Variants in VWF observed in about 807,000 individuals in gnomAD.
VWF encodes the protein von Willebrand factor, also known as Factor VIII related antigen.
VWF carries 176 observed loss-of-function variants against 308.6 expected under a neutral mutation model. The observed-to-expected ratio is 0.57, with a 90% confidence interval of 0.50 to 0.65. The LOEUF (loss-of-function observed/expected upper bound fraction) is 0.65, where lower values mean the gene tolerates loss of function less well. Ranked by LOEUF, VWF falls within the 30% of genes least tolerant of loss-of-function variation. VWF has a pLI of 0.00. For synonymous variants in VWF, 1,385 were observed against 1,443.4 expected (o/e 0.96, Z 0.92); for missense variants, 3,146 against 3,648.2 (o/e 0.86, Z 3.55).
chr12:6,073,971 C>T (rs1944811443), intron 7 of VWF, among the ~76,000 whole-genome samples: 1 of 152,094 alleles, frequency 6.6e-6, no homozygotes, highest in Admixed American at 6.5e-5. Context: ...ATCGGGGGCA[C>T]CCAGGACCCC....
chr12:6,019,168 C>T lies in VWF; in HGVS notation c.4250G>A (p.Gly1417Glu). The stretch of plus-strand genomic sequence containing the variant: ...GATCTGCTTGAGGTTGGCATGGGGC[C>T]CAATGCCCACCGGGATCACAATGAC... ...KKVIVIPVGI[G>E]PHANLKQIRL... Residue 1417 changes from glycine to glutamate, a missense_variant, in exon 28 of 52, where the codon GGG (glycine) becomes GAG (glutamate). Around this residue, in one of 3 missense-constraint regions of VWF, gnomAD observed 853 missense variants for 1,177.8 expected, o/e 0.72. Transcript: ENST00000261405. This position sits in a 1 kb window ranked among gnomAD's most constrained non-coding sequence, Gnocchi z 5.8. 1 of 1,613,884 alleles carries T rather than the reference C, an allele frequency of 6.2e-7. No individual in the cohort carries two copies. Among genetic ancestry groups the T allele is most frequent in the Non-Finnish European group, 8.5e-7 (1 of 1,179,858 alleles).
Position 6,031,720 on chromosome 12 carries a change from G to A in VWF, c.2686-142C>T, listed in dbSNP as rs549699736. 4.5e-6 allele frequency: 6 copies of A among 1,344,214 alleles called. No homozygotes were observed. The African/African-American group carries it at 5.8e-5, about 13-fold the overall frequency. 83.3% of individuals were successfully genotyped at this position (1,344,214 alleles called of 1,614,324 possible). The stretch of plus-strand genomic sequence containing the variant: ...TCCATGGCTGCGCATATGTGCCTCT[G>A]TGTGTGTCTGGGGGACGGGGGATAT... On this transcript the variant is annotated intron_variant, in intron 20 of 51. Coordinates refer to ENST00000261405, the MANE Select transcript of VWF (RefSeq NM_000552.5).
intron 34 of VWF, among the ~76,000 whole-genome samples, chr12:6,010,318 T>C (rs973261612): frequency 2.6e-5 from 4 of 152,064 alleles, no homozygotes; most frequent in African/African-American, 9.7e-5. Context: ...AAAAAATAAA[T>C]AAAAACTGTA....
chr12:6,032,833 C>T (rs1478684060), intron 20 of VWF, among the ~76,000 whole-genome samples: 8 of 151,548 alleles, frequency 5.3e-5, no homozygotes, highest in African/African-American at 1.9e-4. Context: ...CACACACGTG[C>T]TCACACATAC....
At chr12:6,012,010 G>A in intron 33 of VWF, 77 bp downstream of exon 33, 1 of 1,563,058 alleles carries the variant, frequency 6.4e-7, no homozygotes, top group South Asian at 1.1e-5. Flanking sequence ...ACCAAAGGAG[G>A]AAAAATTAAC....
intron 10 of VWF, among the ~76,000 whole-genome samples, chr12:6,067,346 A>G: frequency 6.6e-6 from 1 of 152,216 alleles, no homozygotes; most frequent in East Asian, 1.9e-4. Context: ...GTGTTTTCTC[A>G]GAGCACTCTT....
intron 7 of VWF, among the ~76,000 whole-genome samples, chr12:6,074,485 C>A (rs1261247859): frequency 7.7e-6 from 1 of 130,226 alleles, no homozygotes; most frequent in Admixed American, 7.4e-5. Context: ...CATTCACAGA[C>A]CTAAAAAAAA....
intron 6 of VWF, among the ~76,000 whole-genome samples, chr12:6,094,776 G>A (rs958115407): frequency 3.3e-5 from 5 of 151,726 alleles, no homozygotes; most frequent in Non-Finnish European, 4.4e-5. Flanking sequence ...GCAGTGGCAC[G>A]ATCTCAGTTC....
At position 6,110,528 on chromosome 12, in the gene VWF, G is replaced by C; in HGVS notation, c.378C>G (p.Tyr126Ter). Residue 126 changes from tyrosine to a stop codon, truncating the protein, a stop_gained, in exon 5 of 52, where the codon TAC becomes TAG. Transcript: ENST00000261405. LOFTEE classifies it high-confidence loss of function. ...KGLYLETEAG[Y>*]YKLSGEAYGF... ...CATAGGCCTCACCGGACAGCTTGTA[G>C]TACCCAGCCTCAGTTTCTAGATACA... The C allele has an allele frequency of 6.2e-7, 1 of 1,614,188 alleles. No individual in the cohort carries two copies. The highest frequency in any genetic ancestry group is 8.5e-7 in the Non-Finnish European group (1 of 1,180,034).
chr12:6,114,698 C>T (rs1167407586), intron 3 of VWF, among the ~76,000 whole-genome samples: 1 of 152,058 alleles, frequency 6.6e-6, no homozygotes, highest in Non-Finnish European at 1.5e-5. Context: ...CTGGGCAGCC[C>T]AAGGAGAGAC....
intron 20 of VWF, 64 bp downstream of exon 20, chr12:6,034,624 A>C: frequency 6.2e-7 from 1 of 1,611,310 alleles, no homozygotes; most frequent in South Asian, 1.1e-5. Context: ...ACCCAACCTG[A>C]GGCCACACCT....
intron 47 of VWF, among the ~76,000 whole-genome samples, chr12:5,959,355 G>A (rs868273370): frequency 7.9e-5 from 12 of 152,136 alleles, no homozygotes; most frequent in Admixed American, 5.2e-4. Context: ...GGGAGAAATA[G>A]GCTAATCCAC....
chr12:6,086,982 A>T (rs1351988266), intron 6 of VWF, among the ~76,000 whole-genome samples: 1 of 152,200 alleles, frequency 6.6e-6, no homozygotes, highest in Non-Finnish European at 1.5e-5. Context: ...GCTGTTTCAG[A>T]GGAGGCGGAA....
At chr12:6,018,134 T>C (rs1591861709) in intron 28 of VWF, among the ~76,000 whole-genome samples, 1 of 151,840 alleles carries the variant, frequency 6.6e-6, no homozygotes, top group African/African-American at 2.4e-5. Context: ...TTTGAATTTA[T>C]AGAAGCACAC....
chr12:6,057,133 C>A (rs1408752426), intron 14 of VWF, 61 bp from the exon 15 acceptor site: 2 of 1,430,306 alleles, frequency 1.4e-6, no homozygotes, highest in South Asian at 1.3e-5. Flanking sequence ...CACGCCCTCC[C>A]GGTCAACACT....
chr12:6,023,610 C>T (rs1944155324), intron 25 of VWF, 21 bp downstream of exon 25: 1 of 1,613,434 alleles, frequency 6.2e-7, no homozygotes, highest in Non-Finnish European at 8.5e-7. Context: ...CATCTGAGAA[C>T]ATGAGGGCGT....
chr12:5,996,750 CAAAA>C (rs61616182), intron 34 of VWF, among the ~76,000 whole-genome samples: 2 of 60,460 alleles, frequency 3.3e-5, no homozygotes, highest in Non-Finnish European at 3.8e-5. Context: ...TTTCCAGAGC[CAAAA>C]AAAAAAAAAA....
intron 51 of VWF, among the ~76,000 whole-genome samples, chr12:5,949,580 CTT>C (rs1352297261): frequency 1.3e-5 from 2 of 152,134 alleles, no homozygotes; most frequent in African/African-American, 4.8e-5. Context: ...TTTGCTGAGT[CTT>C]TCCTCCATTT....
In VWF at chr12:5,985,128, G is replaced by C. The variant is rs1171282708; in HGVS notation, c.6902-9C>G. 1 of 1,614,154 alleles carries C rather than the reference G, an allele frequency of 6.2e-7. No homozygotes were observed. The highest frequency in any genetic ancestry group is 2.2e-5 in the East Asian group (1 of 44,882). On this transcript the variant is annotated splice_polypyrimidine_tract_variant and intron_variant, in intron 39 of 51. Transcript: ENST00000261405. ...CAGGCCACACGTGGGAGCTAGAGGA[G>C]AGGAACGGCCACAAAAGTCAGAGAA...
Sources: allele counts gnomAD v4.1 joint callset (sites outside exome capture counted in the v4.1 genomes callset), GRCh38; gene constraint gnomAD v4.1.1; regional missense constraint gnomAD v4.1.1; non-coding constraint Gnocchi (gnomAD v3.1); transcripts MANE v1.5; gene names NCBI Gene and HGNC (gene_info 2026-07-23, HGNC 2026-07-21).